The following TJP1 variants were observed in gnomAD, a reference collection of about 807,000 sequenced individuals.
TJP1 encodes the protein tight junction protein ZO-1.
TJP1 carries 43 observed loss-of-function variants against 194.2 expected under a neutral mutation model. The ratio of observed to expected loss-of-function variants is 0.22; its 90% confidence interval spans 0.17 to 0.29. TJP1 has a LOEUF of 0.29. Ranked by LOEUF, TJP1 falls within the 10% of genes least tolerant of loss-of-function variation. TJP1 has a pLI of 1.00. For missense variants in TJP1, 1,971 were observed against 2,185.7 expected, an observed-to-expected ratio of 0.90 and a Z score of 1.96; for synonymous variants, 801 against 779.0, an observed-to-expected ratio of 1.03 and a Z score of -0.47.
At chr15:29,798,954 G>A (rs967181569) in intron 2 of TJP1, among the ~76,000 whole-genome samples, 2 of 152,196 alleles carry the variant, frequency 1.3e-5, no homozygotes, top group African/African-American at 4.8e-5. Flanking sequence ...GAAAAGGCAA[G>A]AATGTACAAA....
At chr15:29,932,894 A>G (rs936007546) in intron 2 of TJP1, among the ~76,000 whole-genome samples, 1 of 152,224 alleles carries the variant, frequency 6.6e-6, no homozygotes, top group Non-Finnish European at 1.5e-5. Context: ...CTGATTTTGA[A>G]TAGTATTAGA....
intron 4 of TJP1, among the ~76,000 whole-genome samples, chr15:29,771,622 GGTGAAACCCT>G (rs2151630076): frequency 6.6e-6 from 1 of 151,914 alleles, no homozygotes; most frequent in African/African-American, 2.4e-5. Flanking sequence ...TGGCTAACAC[GGTGAAACCCT>G]GTCTCTACTA....
intron 2 of TJP1, among the ~76,000 whole-genome samples, chr15:29,943,159 A>T (rs917173473): frequency 2.0e-5 from 3 of 152,188 alleles, no homozygotes; most frequent in Non-Finnish European, 4.4e-5. Flanking sequence ...TTATATGTGT[A>T]AGAGAGAGAG....
intron 1 of TJP1, among the ~76,000 whole-genome samples, chr15:29,963,631 C>G (rs1005781029): frequency 6.6e-6 from 1 of 151,982 alleles, no homozygotes; most frequent in Middle Eastern, 3.2e-3. Context: ...AAATCACACC[C>G]CCTTTTCTCC....
Position 29,878,241 on chromosome 15 carries a change from G to A in TJP1, c.307-77539C>T, listed in dbSNP as rs529988161. On this transcript the variant is annotated intron_variant, in intron 2 of 28. Coordinates refer to the TJP1 transcript ENST00000356107. ...TTTTTTTTGTATTTTTAGTAGAGAC[G>A]GGGTTTCACCCTGTTAGCCAGGATG... Among the ~76,000 whole-genome samples, 187 of 151,976 alleles carry A rather than the reference G, an allele frequency of 1.2e-3. 1 individual carries two copies. The highest frequency in any genetic ancestry group is 4.3e-3 in the African/African-American group (180 of 41,466).
intron 2 of TJP1, among the ~76,000 whole-genome samples, chr15:29,798,167 C>T (rs1057409273): frequency 1.3e-5 from 2 of 152,044 alleles, no homozygotes; most frequent in African/African-American, 4.8e-5. Flanking sequence ...GACGGGGTTT[C>T]ACCACGTTGG....
chr15:29,806,562 C>T (rs982106815), intron 1 of TJP1, among the ~76,000 whole-genome samples: 5 of 152,202 alleles, frequency 3.3e-5, no homozygotes, highest in African/African-American at 7.2e-5. Context: ...CTACACTGAA[C>T]GGCTTCTCAT....
At chr15:29,941,933 G>A (rs924314550) in intron 2 of TJP1, among the ~76,000 whole-genome samples, 2 of 152,158 alleles carry the variant, frequency 1.3e-5, no homozygotes, top group Non-Finnish European at 2.9e-5. Context: ...TGAAGAGGCC[G>A]TGAGGAGGGA....
intron 2 of TJP1, among the ~76,000 whole-genome samples, chr15:29,876,348 C>T (rs945582260): frequency 1.3e-5 from 2 of 152,018 alleles, no homozygotes; most frequent in African/African-American, 2.4e-5. Context: ...GGTGAAACTC[C>T]GTCTCTACTA....
In TJP1 at chr15:29,762,361, T is replaced by C. The variant is rs778833639; in HGVS notation, c.667A>G (p.Ile223Val). ...TTCAATACAACATCACCTTCTTGAA[T>C]ATTGCCATCTCTTGCTGCCAAACTA... ...QDSLAARDGN[I>V]QEGDVVLKIN... Residue 223 changes from isoleucine to valine, a missense_variant, in exon 6 of 28, where the codon ATT becomes GTT. By Grantham distance (29) the Ile-to-Val change is conservative. Around this residue, in one of 5 missense-constraint regions of TJP1, gnomAD observed 245 missense variants for 336.6 expected, o/e 0.73. Coordinates refer to ENST00000614355, the MANE Select transcript of TJP1 (RefSeq NM_001330239.4). 1.2e-6 allele frequency: 2 copies of C among 1,613,504 alleles called. No individual in the cohort carries two copies. The highest frequency in any genetic ancestry group is 1.7e-6 in the Non-Finnish European group (2 of 1,179,796).
At chr15:29,959,759 A>AC (rs763622812) in intron 1 of TJP1, among the ~76,000 whole-genome samples, 1 of 152,156 alleles carries the variant, frequency 6.6e-6, no homozygotes, top group Non-Finnish European at 1.5e-5. Context: ...ATTATTATTA[A>AC]TTTTGTCGTA....
intron 2 of TJP1, among the ~76,000 whole-genome samples, chr15:29,949,554 CCACCACCTCCACT>C (rs2055510529): frequency 1.4e-5 from 2 of 143,560 alleles, no homozygotes; most frequent in East Asian, 2.2e-4. Context: ...ACCTCCACAA[CCACCACCTCCACT>C]TCCACAACCA....
In TJP1 at chr15:29,802,432, T is replaced by C. The variant is rs370590704; in HGVS notation, c.28-1730A>G. ...CAACTAGATTATCCTGCCAGATGAA[T>C]AAGAGAGGAGAGAGAAAGGATCTCT... On this transcript the variant is annotated intron_variant, in intron 1 of 27. Transcript: ENST00000614355. Among the ~76,000 whole-genome samples the C allele has an allele frequency of 4.6e-5, 7 of 152,118 alleles. No individual in the cohort carries two copies. The East Asian group carries it at 1.4e-3, about 29-fold the overall frequency.
chr15:29,797,659 T>C (rs899889475), intron 2 of TJP1, among the ~76,000 whole-genome samples: 4 of 147,436 alleles, frequency 2.7e-5, no homozygotes, highest in Non-Finnish European at 6.0e-5. Context: ...AAAAAGGCAA[T>C]CCATGGAAAG....
chr15:29,961,473 C>T (rs1285553655), intron 1 of TJP1, among the ~76,000 whole-genome samples: 1 of 152,004 alleles, frequency 6.6e-6, no homozygotes, highest in Non-Finnish European at 1.5e-5. Flanking sequence ...CTCAGCCTCC[C>T]GAGTAGTTTC....
chr15:29,839,548 G>A (rs560239144), intron 2 of TJP1, among the ~76,000 whole-genome samples: 16 of 152,164 alleles, frequency 1.1e-4, no homozygotes, highest in Non-Finnish European at 2.1e-4. Flanking sequence ...AGGAGGCTGA[G>A]GTGGGAGGAT....
At chr15:29,734,797 A>C (rs1161730318) in intron 11 of TJP1, among the ~76,000 whole-genome samples, 1 of 152,124 alleles carries the variant, frequency 6.6e-6, no homozygotes, top group Non-Finnish European at 1.5e-5. Flanking sequence ...AAAATATCAC[A>C]TCTTTTAAGA....
rs112772922 is a variant in TJP1, at chr15:29,748,922, A to ATGTGTGTG, written c.1011-6149_1011-6142dup. On this transcript the variant is annotated intron_variant, in intron 8 of 27. Transcript: ENST00000614355. ...TGGCTCTCCATATTTAAGCTTAAAAATGTGTGTGTGTGTGTGTGTGTGTGT... is the reference window on the plus strand; with the variant it reads ...TGGCTCTCCATATTTAAGCTTAAAAATGTGTGTGTGTGTGTGTGTGTGTGTGTGTGTGT... Among the ~76,000 whole-genome samples the ATGTGTGTG allele has an allele frequency of 5.9e-3, 619 of 104,596 alleles. 6 individuals are homozygous for ATGTGTGTG. Among genetic ancestry groups the ATGTGTGTG allele is most frequent in the South Asian group, 0.016 (51 of 3,156 alleles). 68.6% of individuals were successfully genotyped at this position (104,596 alleles called of 152,430 possible).
intron 15 of TJP1, among the ~76,000 whole-genome samples, chr15:29,731,804 GAA>G (rs796279871): frequency 7.2e-6 from 1 of 137,980 alleles, no homozygotes; most frequent in Admixed American, 7.3e-5. Flanking sequence ...GTTTGGCTTG[GAA>G]AAAAAAAAAA....
Sources: gnomAD v4.1 joint callset for allele counts (sites outside exome capture counted in the v4.1 genomes callset) on GRCh38, gnomAD v4.1.1 for gene constraint, gnomAD v4.1.1 regional missense constraint, MANE v1.5 for transcripts, NCBI Gene and HGNC (gene_info 2026-07-23, HGNC 2026-07-21) for gene names.